Variants in POGZ observed in about 807,000 individuals in gnomAD.
POGZ encodes pogo transposable element with ZNF domain.
In POGZ, 17 loss-of-function variants were observed where a neutral mutation model predicts 134.6. The observed-to-expected ratio is 0.13, with a 90% CI of 0.09 to 0.19. The LOEUF (loss-of-function observed/expected upper bound fraction) is 0.19. POGZ is among the 10% of genes least tolerant of loss of function. The pLI is 1.00. For synonymous variants in POGZ, 693 were observed against 657.1 expected, an observed-to-expected ratio of 1.05 and a Z score of -0.84; for missense variants, 1,306 against 1,769.7, an observed-to-expected ratio of 0.74 and a Z score of 4.70.
In POGZ at chr1:151,408,639, A is replaced by G. The variant is rs1654096346; in HGVS notation, c.2061+55T>C. The G allele has an allele frequency of 1.9e-6, 3 of 1,604,302 alleles. No homozygotes were observed. In the East Asian group the frequency reaches 6.7e-5, roughly 36 times the overall value. ...ACCCACACTAAATTTCAGAATACTG[A>G]AAATCTCTATTCCTCCCTCCCTGGG... On this transcript the variant is annotated intron_variant, in intron 13 of 18. Transcript: ENST00000271715.
intron 11 of POGZ, 39 bp from the exon 12 acceptor site, chr1:151,411,810 G>A (rs748739586): frequency 2.6e-6 from 4 of 1,551,554 alleles, no homozygotes; most frequent in East Asian, 2.3e-5. Flanking sequence ...TAAGAATGAA[G>A]TGAACAACTG....
chr1:151,439,829 A>G (rs1660232408), intron 3 of POGZ, among the ~76,000 whole-genome samples: 1 of 152,240 alleles, frequency 6.6e-6, no homozygotes, highest in Non-Finnish European at 1.5e-5. Context: ...TCAGAAATAT[A>G]TTTGCAGAAC....
At chr1:151,447,640 T>A in intron 1 of POGZ, among the ~76,000 whole-genome samples, 1 of 117,340 alleles carries the variant, frequency 8.5e-6, no homozygotes, top group African/African-American at 3.1e-5. Context: ...CATGTCTGGC[T>A]AATTTTTTTT....
At chr1:151,412,265 T>G in intron 11 of POGZ, 31 bp downstream of exon 11, 1 of 1,217,030 alleles carries the variant, frequency 8.2e-7, no homozygotes, top group Non-Finnish European at 1.2e-6. Context: ...AGGGCAAAAC[T>G]GCTAAAACTC....
At chr1:151,412,434 A>G in intron 10 of POGZ, 38 bp from the exon 11 acceptor site, 6 of 1,145,828 alleles carry the variant, frequency 5.2e-6, no homozygotes, top group Non-Finnish European at 6.5e-6. Flanking sequence ...CCACTTGAAA[A>G]TAAGACAAAA....
intron 10 of POGZ, among the ~76,000 whole-genome samples, chr1:151,416,428 G>A (rs1655708694): frequency 6.6e-6 from 1 of 151,876 alleles, no homozygotes; most frequent in Admixed American, 6.6e-5. Flanking sequence ...CCTGAACCCA[G>A]GAGGCTTAAG....
intron 1 of POGZ, among the ~76,000 whole-genome samples, chr1:151,456,236 A>G (rs1053141575): frequency 5.3e-5 from 8 of 152,208 alleles, no homozygotes; most frequent in African/African-American, 1.4e-4. Flanking sequence ...TCCAAATAAC[A>G]TATTTCATTA....
intron 2 of POGZ, among the ~76,000 whole-genome samples, chr1:151,441,297 T>C (rs1660490051): frequency 6.6e-6 from 1 of 152,238 alleles, no homozygotes; most frequent in African/African-American, 2.4e-5. Context: ...CATCTCCTGG[T>C]TAATTAAGTT....
In POGZ at chr1:151,404,692, A is replaced by T; in HGVS notation, c.*110T>A. The T allele has an allele frequency of 1.4e-6, 2 of 1,431,770 alleles. No individual in the cohort carries two copies. Among genetic ancestry groups the T allele is most frequent in the Non-Finnish European group, 1.8e-6 (2 of 1,095,394 alleles). The allele number at this position is 1,431,770 out of a possible 1,614,324, so 88.7% of individuals were successfully genotyped here. On this transcript the variant is annotated 3_prime_UTR_variant, in exon 19 of 19. Coordinates refer to ENST00000271715, the MANE Select transcript of POGZ (RefSeq NM_015100.4). ...CAGGGGGGAGTGGTGGTATAAAATT[A>T]AAAAATAGAAACCAAATACCCCACC... is the stretch of plus-strand genomic sequence containing the variant.
At chr1:151,445,664 A>G (rs1223403066) in intron 1 of POGZ, among the ~76,000 whole-genome samples, 1 of 152,140 alleles carries the variant, frequency 6.6e-6, no homozygotes, top group Non-Finnish European at 1.5e-5. Flanking sequence ...AACTCAGAAA[A>G]TATTAGGTCT....
intron 4 of POGZ, 101 bp downstream of exon 4, chr1:151,430,565 T>TAG: frequency 1.2e-6 from 1 of 862,914 alleles, no homozygotes; most frequent in Non-Finnish European, 1.8e-6. Flanking sequence ...AGACAAGACT[T>TAG]AGAACCACTT....
intron 1 of POGZ, among the ~76,000 whole-genome samples, chr1:151,450,437 C>T (rs865832289): frequency 6.6e-5 from 10 of 152,152 alleles, no homozygotes; most frequent in Non-Finnish European, 1.3e-4. Context: ...ACTGCAGCCT[C>T]GACCTCTTGG....
rs1012859976 is a variant in POGZ, at chr1:151,459,348, G to A, written c.-198C>T. The A allele has an allele frequency of 6.6e-6, 1 of 151,184 alleles. No individual in the cohort carries two copies. Among genetic ancestry groups the A allele is most frequent in the Non-Finnish European group, 1.5e-5 (1 of 67,838 alleles). 9.4% of individuals were successfully genotyped at this position (151,184 alleles called of 1,614,324 possible). A position where few individuals can be genotyped will look rare whatever the true frequency, so the allele number is the denominator to read the frequency against. On this transcript the variant is annotated 5_prime_UTR_variant, in exon 1 of 19. Coordinates refer to ENST00000271715, the MANE Select transcript of POGZ (RefSeq NM_015100.4). ...GCCTCCCTCGGGTTCGAGTGATTCGGGGTGGATTTTTTTCCCGAGGGGGGC... is the reference window on the plus strand; with the variant it reads ...GCCTCCCTCGGGTTCGAGTGATTCGAGGTGGATTTTTTTCCCGAGGGGGGC...
At chr1:151,422,113 CAT>C (rs1657015362) in intron 10 of POGZ, among the ~76,000 whole-genome samples, 1 of 152,180 alleles carries the variant, frequency 6.6e-6, no homozygotes, top group Non-Finnish European at 1.5e-5. Flanking sequence ...AGATAATATG[CAT>C]ATGTCTTCTA....
chr1:151,423,934 C>A lies in POGZ; in HGVS notation c.1523+15G>T. The A allele has an allele frequency of 6.3e-7, 1 of 1,590,524 alleles. No individual in the cohort carries two copies. Among genetic ancestry groups the A allele is most frequent in the Non-Finnish European group, 8.6e-7 (1 of 1,161,226 alleles). On this transcript the variant is annotated intron_variant, in intron 9 of 18. Coordinates refer to ENST00000271715, the MANE Select transcript of POGZ (RefSeq NM_015100.4). ...CTCTTGTTCAAGGTAACTTCCAAGG[C>A]TCTTAAACACTTACCGAATATTGTT...
chr1:151,424,500 CT>C lies in POGZ; in HGVS notation c.1186-215del, dbSNP rs1164808737. On this transcript the variant is annotated intron_variant, in intron 8 of 18. Coordinates refer to ENST00000271715, the MANE Select transcript of POGZ (RefSeq NM_015100.4). The stretch of plus-strand genomic sequence containing the variant: ...GCGCTATACTTTGTATTTCTCCCTC[CT>C]GCCTGTCTTAGGTCCCTTAATCATT... 7.0e-6 allele frequency: 3 copies of C among 431,150 alleles called. No homozygotes were observed. The Admixed American group carries it at 1.2e-4, about 17-fold the overall frequency. The allele number at this position is 431,150 out of a possible 1,614,324, so 26.7% of individuals were successfully genotyped here. A position where few individuals can be genotyped will look rare whatever the true frequency, so the allele number is the denominator to read the frequency against.
At chr1:151,444,344 A>G (rs1033011308) in intron 1 of POGZ, among the ~76,000 whole-genome samples, 2 of 152,238 alleles carry the variant, frequency 1.3e-5, no homozygotes, top group African/African-American at 4.8e-5. Context: ...TTTGAGACAA[A>G]GACAACACAT....
rs1653603538 is a variant in POGZ at position 151,406,352 on chromosome 1, C to G, written c.2683G>C (p.Ala895Pro). ...ATVKSAGATP[A>P]EPEELLTPLA... ...GGAGTTAGTAGCTCTTCAGGCTCAG[C>G]TGGGGTGGCCCCCGCAGATTTCACA... is the stretch of plus-strand genomic sequence containing the variant. Residue 895 changes from alanine to proline, a missense_variant, in exon 19 of 19, where the codon GCT (alanine) becomes CCT (proline). Physicochemically the swap from Ala to Pro is conservative, Grantham distance 27 (BLOSUM62 -1). Transcript: ENST00000271715. 1 of 1,599,850 alleles carries G rather than the reference C, an allele frequency of 6.3e-7. No individual in the cohort carries two copies. The highest frequency in any genetic ancestry group is 1.3e-5 in the African/African-American group (1 of 74,412).
intron 6 of POGZ, 24 bp from the exon 7 acceptor site, chr1:151,428,065 T>C: frequency 6.2e-7 from 1 of 1,613,566 alleles, no homozygotes; most frequent in Non-Finnish European, 8.5e-7. Context: ...GTGATAATCA[T>C]CTGTTCTCCA....
Sources: gnomAD v4.1 joint callset for allele counts (sites outside exome capture counted in the v4.1 genomes callset) on GRCh38, gnomAD v4.1.1 for gene constraint, MANE v1.5 for transcripts, NCBI Gene and HGNC (gene_info 2026-07-23, HGNC 2026-07-21) for gene names.